Variants in IL17RC observed in about 807,000 individuals in gnomAD.
IL17RC encodes interleukin 17 receptor C.
A neutral mutation model predicts 86.7 loss-of-function variants in IL17RC; 53 were observed. The ratio of observed to expected loss-of-function variants is 0.61; its 90% CI spans 0.49 to 0.77. The LOEUF (loss-of-function observed/expected upper bound fraction) is 0.77, where lower values mean the gene tolerates loss of function less well. IL17RC is among the 30% of genes least tolerant of loss of function. The pLI is 0.00. For missense variants in IL17RC, 957 were observed against 940.0 expected, an observed-to-expected ratio of 1.02 and a Z score of -0.24; for synonymous variants, 439 against 413.1, an observed-to-expected ratio of 1.06 and a Z score of -0.76.
At chr3:9,932,347 C>A (rs974204963) in intron 16 of IL17RC, among the ~76,000 whole-genome samples, 6 of 152,188 alleles carry the variant, frequency 3.9e-5, no homozygotes, top group African/African-American at 1.4e-4. Flanking sequence ...TTGCCTCAGC[C>A]TCCCGAGTAG....
At chr3:9,918,718 A>G in intron 5 of IL17RC, 109 bp downstream of exon 5, 1 of 745,618 alleles carries the variant, frequency 1.3e-6, no homozygotes, top group South Asian at 1.6e-5. Flanking sequence ...GAAACCCTTC[A>G]GTACCAGGCA....
intron 8 of IL17RC, 75 bp from the exon 9 acceptor site, chr3:9,924,157 C>G: frequency 6.2e-7 from 1 of 1,608,826 alleles, no homozygotes; most frequent in Non-Finnish European, 8.5e-7. Flanking sequence ...CTTCTGCCTT[C>G]CTGGTTTCCT....
At chr3:9,929,601 GA>G (rs1559316148) in intron 12 of IL17RC, 1 of 552,664 alleles carries the variant, frequency 1.8e-6, no homozygotes. Flanking sequence ...GATGAGAGGG[GA>G]ACCATGCTCC....
At chr3:9,927,482 C>T (rs1329602010) in intron 9 of IL17RC, among the ~76,000 whole-genome samples, 1 of 152,146 alleles carries the variant, frequency 6.6e-6, no homozygotes, top group African/African-American at 2.4e-5. Context: ...CACTTGAACC[C>T]AGGAGGCGGA....
At chr3:9,922,005 T>A (rs1345036923) in intron 7 of IL17RC, among the ~76,000 whole-genome samples, 6 of 142,810 alleles carry the variant, frequency 4.2e-5, no homozygotes, top group African/African-American at 1.3e-4. Context: ...TAGGCTGGAC[T>A]GCAGTGGTGT....
chr3:9,927,429 G>C (rs1404162229), intron 9 of IL17RC, among the ~76,000 whole-genome samples: 1 of 151,796 alleles, frequency 6.6e-6, no homozygotes, highest in African/African-American at 2.4e-5. Flanking sequence ...ATGGTGATGT[G>C]CGCCTGTAGT....
intron 7 of IL17RC, 81 bp downstream of exon 7, chr3:9,921,050 A>G (rs2083499466): frequency 1.3e-6 from 1 of 792,546 alleles, no homozygotes; most frequent in Non-Finnish European, 2.0e-6. Context: ...CACTTCAGAT[A>G]TGGGCTACCA....
rs776784154 is a variant in IL17RC at position 9,932,926 on chromosome 3, T to C, written c.1523-27T>C. On this transcript the variant is annotated intron_variant, in intron 18 of 18. Coordinates refer to ENST00000403601, the MANE Select transcript of IL17RC (RefSeq NM_153460.4). Reference sequence around the variant, plus strand: ...GCCAGGCCTGTGCCAGCTCACCTCTTCCCTCCCCATCTGTTTTCTCCGGCA... The same window carrying C: ...GCCAGGCCTGTGCCAGCTCACCTCTCCCCTCCCCATCTGTTTTCTCCGGCA... 9.9e-6 allele frequency: 16 copies of C among 1,609,784 alleles called. 1 individual carries two copies. In the South Asian group the frequency reaches 1.8e-4, roughly 18 times the overall value.
intron 9 of IL17RC, among the ~76,000 whole-genome samples, chr3:9,926,970 A>G (rs1193793704): frequency 6.6e-6 from 1 of 152,178 alleles, no homozygotes; most frequent in Admixed American, 6.5e-5. Flanking sequence ...CTGTTGAATG[A>G]GTGAATAAAT....
At chr3:9,919,604 C>A (rs1245055972) in intron 5 of IL17RC, among the ~76,000 whole-genome samples, 1 of 152,076 alleles carries the variant, frequency 6.6e-6, no homozygotes, top group Non-Finnish European at 1.5e-5. Flanking sequence ...CGAGATCGCG[C>A]CACTGCACTC....
rs1449196355 is a variant in IL17RC, at chr3:9,917,713, G to A, written c.106G>A (p.Gly36Ser). 1.2e-6 allele frequency: 2 copies of A among 1,613,596 alleles called. No individual in the cohort carries two copies. Among genetic ancestry groups the A allele is most frequent in the Non-Finnish European group, 1.7e-6 (2 of 1,180,036 alleles). ...TGACTCTCCTTTCTTTCCTTCCCAG[G>A]GCCTCTCCTGCCGCCTCTGGGGTAA... ...GPQDATHCSP[G>S]LSCRLWDSDI... is the part of the protein sequence containing the mutation. Residue 36 changes from glycine (G) to serine (S), a missense_variant and splice_region_variant, in exon 2 of 19, where the codon GGC becomes AGC. Gly to Ser is a moderately conservative substitution (Grantham distance 56, BLOSUM62 0). Transcript: ENST00000403601.
chr3:9,931,464 C>CATATAT (rs1338301646), intron 16 of IL17RC, among the ~76,000 whole-genome samples: 69 of 10,768 alleles, frequency 6.4e-3, no homozygotes, highest in Admixed American at 9.7e-3. Flanking sequence ...CACACACACA[C>CATATAT]ACACACATAT....
intron 9 of IL17RC, among the ~76,000 whole-genome samples, chr3:9,926,811 C>T (rs768800212): frequency 5.9e-5 from 9 of 151,934 alleles, no homozygotes; most frequent in Non-Finnish European, 1.2e-4. Context: ...TCAGTAGAGA[C>T]GGGGTTTCAG....
Position 9,923,914 on chromosome 3 carries a change from A to G in IL17RC, c.656A>G (p.Asp219Gly). Residue 219 changes from aspartate (D) to glycine (G), a missense_variant, in exon 8 of 19, where the codon GAC becomes GGC. Physicochemically the swap from Asp to Gly is moderately conservative, Grantham distance 94. Transcript: ENST00000403601. ...LPWLNVSADG[D>G]NVHLVLNVSE... ...TGGCTCAACGTGTCAGCAGATGGTG[A>G]CAACGTGCATCTGGTTCTGAATGTC... 6.2e-7 allele frequency: 1 copy of G among 1,614,172 alleles called. No homozygotes were observed.
intron 5 of IL17RC, among the ~76,000 whole-genome samples, chr3:9,919,387 G>A (rs1225120932): frequency 2.0e-5 from 3 of 152,066 alleles, no homozygotes; most frequent in Admixed American, 1.3e-4. Context: ...GTTCACACCT[G>A]TAATCCCAGC....
At chr3:9,932,564 C>T (rs751863142) in intron 16 of IL17RC, 44 bp from the exon 17 acceptor site, 1 of 1,549,180 alleles carries the variant, frequency 6.5e-7, no homozygotes, top group Non-Finnish European at 8.9e-7. Flanking sequence ...TTTTTCTTCT[C>T]TGTGGAGGGT....
At chr3:9,925,189 C>A (rs1482734872) in intron 9 of IL17RC, among the ~76,000 whole-genome samples, 1 of 150,044 alleles carries the variant, frequency 6.7e-6, no homozygotes, top group Non-Finnish European at 1.5e-5. Context: ...GATCTCGGCT[C>A]ACTGCAAGCT....
intron 9 of IL17RC, among the ~76,000 whole-genome samples, chr3:9,925,603 A>G (rs1236207381): frequency 4.6e-5 from 7 of 151,592 alleles, no homozygotes; most frequent in African/African-American, 1.7e-4. Context: ...CTGGGCCCAT[A>G]TTCTGCCCCC....
At chr3:9,921,407 A>G (rs939675665) in intron 7 of IL17RC, among the ~76,000 whole-genome samples, 1 of 152,092 alleles carries the variant, frequency 6.6e-6, no homozygotes, top group Non-Finnish European at 1.5e-5. Flanking sequence ...GTAAGCTGAG[A>G]CTGCACCATT....
Sources: gnomAD v4.1 joint callset for allele counts (sites outside exome capture counted in the v4.1 genomes callset) on GRCh38, gnomAD v4.1.1 for gene constraint, MANE v1.5 for transcripts, NCBI Gene and HGNC (gene_info 2026-07-23, HGNC 2026-07-21) for gene names.